The following KLHL1 variants were observed in gnomAD, a reference collection of about 807,000 sequenced individuals.
The protein encoded by KLHL1 is kelch-like protein 1.
Under a neutral mutation model 77.7 loss-of-function variants are expected in KLHL1, and 47 were observed. The ratio of observed to expected loss-of-function variants is 0.60; its 90% confidence interval spans 0.48 to 0.77. The LOEUF (loss-of-function observed/expected upper bound fraction) is 0.77, where lower values mean the gene tolerates loss of function less well. KLHL1 is among the 30% of genes least tolerant of loss of function. The probability of loss-of-function intolerance (pLI) is 0.00; values close to 1 mark genes in which losing one functional copy is unlikely to be tolerated. For missense variants in KLHL1, 925 were observed against 910.8 expected, an observed-to-expected ratio of 1.02 and a Z score of -0.20; for synonymous variants, 360 against 325.2, an observed-to-expected ratio of 1.11 and a Z score of -1.15.
At chr13:69,993,028 C>A (rs1005275711) in intron 1 of KLHL1, among the ~76,000 whole-genome samples, 3 of 151,904 alleles carry the variant, frequency 2.0e-5, no homozygotes, top group Non-Finnish European at 2.9e-5. Context: ...CTGCCATAAG[C>A]AGGCCTAATC....
intron 7 of KLHL1, among the ~76,000 whole-genome samples, chr13:69,741,090 G>T (rs1179742992): frequency 6.6e-6 from 1 of 151,952 alleles, no homozygotes; most frequent in African/African-American, 2.4e-5. Flanking sequence ...TTCCCAAAAA[G>T]GTTAAAATAA....
At chr13:69,714,158 G>T (rs933172759) in intron 9 of KLHL1, among the ~76,000 whole-genome samples, 1 of 152,168 alleles carries the variant, frequency 6.6e-6, no homozygotes, top group African/African-American at 2.4e-5. Context: ...AATATCTGTT[G>T]TTCATTTTCA....
intron 1 of KLHL1, among the ~76,000 whole-genome samples, chr13:70,090,030 G>A (rs534018557): frequency 2.2e-4 from 33 of 152,112 alleles, no homozygotes; most frequent in Admixed American, 2.1e-3. Flanking sequence ...TTAATCAATA[G>A]TATTGATAAT....
intron 4 of KLHL1, among the ~76,000 whole-genome samples, chr13:69,886,626 A>C (rs1260464323): frequency 6.6e-6 from 1 of 152,092 alleles, no homozygotes; most frequent in African/African-American, 2.4e-5. Context: ...TTTGTTATTA[A>C]GTTTAAAATA....
Position 69,839,171 on chromosome 13 carries a change from A to G in KLHL1, c.1228-9T>C. On this transcript the variant is annotated splice_polypyrimidine_tract_variant and intron_variant, in intron 5 of 10. Transcript: ENST00000377844. ...TCTAGGTCAGCCAATATCTGTGAAT[A>G]ATACACAATAGCTGTTAATAATGTT... is the stretch of plus-strand genomic sequence containing the variant. The G allele has an allele frequency of 6.5e-7, 1 of 1,548,482 alleles. No homozygotes were observed. Among genetic ancestry groups the G allele is most frequent in the Non-Finnish European group, 8.8e-7 (1 of 1,133,026 alleles).
intron 1 of KLHL1, among the ~76,000 whole-genome samples, chr13:69,984,773 A>G (rs1884815740): frequency 6.6e-6 from 1 of 152,070 alleles, no homozygotes; most frequent in African/African-American, 2.4e-5. Context: ...GACCTCGAGT[A>G]TTACCCCAAA....
At chr13:70,094,644 A>G (rs1404405575) in intron 1 of KLHL1, among the ~76,000 whole-genome samples, 1 of 152,124 alleles carries the variant, frequency 6.6e-6, no homozygotes, top group Non-Finnish European at 1.5e-5. Flanking sequence ...GAGCCATTTT[A>G]CTTTGGATGG....
intron 4 of KLHL1, among the ~76,000 whole-genome samples, chr13:69,910,462 T>G (rs983332411): frequency 6.6e-6 from 1 of 152,092 alleles, no homozygotes; most frequent in African/African-American, 2.4e-5. Flanking sequence ...TTTCAATTGT[T>G]TGTTTATTCA....
At chr13:69,739,322 C>A (rs546575805) in intron 8 of KLHL1, among the ~76,000 whole-genome samples, 1 of 152,162 alleles carries the variant, frequency 6.6e-6, no homozygotes, top group African/African-American at 2.4e-5. Context: ...AGACCAGTGA[C>A]ACTATGAAGC....
chr13:69,897,641 G>T (rs1346048248), intron 4 of KLHL1, among the ~76,000 whole-genome samples: 1 of 152,118 alleles, frequency 6.6e-6, no homozygotes, highest in East Asian at 1.9e-4. Context: ...CTAAAGAGGA[G>T]GGGAAAGGCA....
intron 1 of KLHL1, among the ~76,000 whole-genome samples, chr13:70,042,409 C>T (rs1886398428): frequency 6.6e-6 from 1 of 152,102 alleles, no homozygotes; most frequent in African/African-American, 2.4e-5. Context: ...TTTGAAAACA[C>T]AGTCATATCA....
At chr13:69,737,913 C>G (rs1477861857) in intron 8 of KLHL1, among the ~76,000 whole-genome samples, 1 of 152,154 alleles carries the variant, frequency 6.6e-6, no homozygotes, top group Non-Finnish European at 1.5e-5. Flanking sequence ...TAAGTGGGTC[C>G]TTGATCCTGC....
intron 8 of KLHL1, among the ~76,000 whole-genome samples, chr13:69,731,075 A>C (rs1873524716): frequency 6.6e-6 from 1 of 151,840 alleles, no homozygotes. Context: ...TATAAATAGA[A>C]AAAGTAGTAT....
intron 7 of KLHL1, among the ~76,000 whole-genome samples, chr13:69,747,540 T>C (rs1273215886): frequency 6.6e-6 from 1 of 151,994 alleles, no homozygotes; most frequent in Non-Finnish European, 1.5e-5. Context: ...TGCAAACCAT[T>C]GTAATTGATA....
intron 7 of KLHL1, among the ~76,000 whole-genome samples, chr13:69,747,804 G>T (rs1012279001): frequency 2.0e-5 from 3 of 151,754 alleles, no homozygotes; most frequent in African/African-American, 7.3e-5. Flanking sequence ...TGAAACTTAG[G>T]AACACAATTA....
intron 1 of KLHL1, among the ~76,000 whole-genome samples, chr13:70,020,797 G>GTATA (rs1329411864): frequency 2.6e-5 from 4 of 151,762 alleles, no homozygotes; most frequent in Non-Finnish European, 5.9e-5. Flanking sequence ...AGATATATAT[G>GTATA]TATATGCATA....
At chr13:69,935,588 C>A (rs561476202) in intron 4 of KLHL1, among the ~76,000 whole-genome samples, 2 of 151,956 alleles carry the variant, frequency 1.3e-5, no homozygotes, top group Non-Finnish European at 2.9e-5. Context: ...TGACAAAGAT[C>A]TGAATGAGGT....
intron 1 of KLHL1, among the ~76,000 whole-genome samples, chr13:69,987,149 T>G (rs2137307584): frequency 6.6e-6 from 1 of 152,146 alleles, no homozygotes; most frequent in East Asian, 1.9e-4. Flanking sequence ...ACATTTGCTC[T>G]ACTCAAGTTC....
intron 5 of KLHL1, among the ~76,000 whole-genome samples, chr13:69,856,034 T>C (rs1343070150): frequency 6.6e-6 from 1 of 150,536 alleles, no homozygotes; most frequent in African/African-American, 2.4e-5. Flanking sequence ...CAGAGAGTTC[T>C]TCATGGGCCT....
Sources: allele counts gnomAD v4.1 joint callset (sites outside exome capture counted in the v4.1 genomes callset), GRCh38; gene constraint gnomAD v4.1.1; transcripts MANE v1.5; gene names NCBI Gene and HGNC (gene_info 2026-07-23, HGNC 2026-07-21).